GKAP1: variants seen among roughly 807,000 people sequenced by gnomAD.
GKAP1 encodes G kinase-anchoring protein 1.
In GKAP1, 31 loss-of-function variants were observed where a neutral mutation model predicts 56.7. That is an observed-to-expected ratio of 0.55 (90% confidence interval 0.41 to 0.74). The LOEUF (loss-of-function observed/expected upper bound fraction) is 0.74. Ranked by LOEUF, GKAP1 falls within the 30% of genes least tolerant of loss-of-function variation. The probability of loss-of-function intolerance (pLI) is 0.00; values close to 1 mark genes in which losing one functional copy is unlikely to be tolerated. For synonymous variants in GKAP1, 151 were observed against 138.6 expected, an observed-to-expected ratio of 1.09 and a Z score of -0.63; for missense variants, 364 against 402.3, an observed-to-expected ratio of 0.90 and a Z score of 0.82.
chr9:83,814,639 T>G (rs1326801579), intron 2 of GKAP1, among the ~76,000 whole-genome samples: 1 of 152,238 alleles, frequency 6.6e-6, no homozygotes, highest in Non-Finnish European at 1.5e-5. Flanking sequence ...TTTATTGAAC[T>G]TAGTGTTTTC....
intron 3 of GKAP1, among the ~76,000 whole-genome samples, chr9:83,804,085 G>A (rs556836869): frequency 3.1e-3 from 468 of 150,624 alleles, no homozygotes; most frequent in South Asian, 0.011. Context: ...AGTGAGGAGC[G>A]TCTCCGCCCG....
At chr9:83,767,815 T>C (rs560466474) in intron 8 of GKAP1, among the ~76,000 whole-genome samples, 1 of 152,300 alleles carries the variant, frequency 6.6e-6, no homozygotes, top group East Asian at 1.9e-4. Context: ...GCCTACCACG[T>C]AGCTGAGATT....
intron 7 of GKAP1, among the ~76,000 whole-genome samples, chr9:83,772,341 T>A (rs1943777073): frequency 6.6e-6 from 1 of 152,176 alleles, no homozygotes; most frequent in Non-Finnish European, 1.5e-5. Flanking sequence ...CAAGGTATTT[T>A]ATTAAGGATA....
intron 8 of GKAP1, among the ~76,000 whole-genome samples, chr9:83,759,703 G>A (rs1380243994): frequency 6.6e-6 from 1 of 152,120 alleles, no homozygotes; most frequent in Non-Finnish European, 1.5e-5. Flanking sequence ...AAAAGTGAAT[G>A]CCAAATTGTT....
chr9:83,772,943 G>A (rs550330596), intron 7 of GKAP1, among the ~76,000 whole-genome samples: 1 of 152,312 alleles, frequency 6.6e-6, no homozygotes, highest in African/African-American at 2.4e-5. Context: ...CGTTGGCAAG[G>A]ATGCGTAGGA....
chr9:83,801,114 G>T (rs1445087792), intron 3 of GKAP1, among the ~76,000 whole-genome samples: 1 of 152,116 alleles, frequency 6.6e-6, no homozygotes, highest in Non-Finnish European at 1.5e-5. Context: ...ATTAGGTTGG[G>T]CCCTAATCCA....
At chr9:83,773,121 G>A (rs1362529947) in intron 7 of GKAP1, among the ~76,000 whole-genome samples, 4 of 152,062 alleles carry the variant, frequency 2.6e-5, no homozygotes, top group African/African-American at 9.7e-5. Flanking sequence ...AAAGACATAC[G>A]TCAAATGTGC....
chr9:83,794,116 A>G (rs192015566), intron 4 of GKAP1, among the ~76,000 whole-genome samples: 59 of 152,308 alleles, frequency 3.9e-4, no homozygotes, highest in African/African-American at 1.3e-3. Flanking sequence ...GCAGTTAGCC[A>G]TGATCACACC....
At chr9:83,797,719 G>A (rs1372450255) in intron 4 of GKAP1, among the ~76,000 whole-genome samples, 2 of 152,122 alleles carry the variant, frequency 1.3e-5, no homozygotes, top group Non-Finnish European at 2.9e-5. Context: ...AGCAATCAGT[G>A]GGAGCAGAAG....
At position 83,742,555 on chromosome 9, in the gene GKAP1, C is replaced by T. The variant is rs762765097; in HGVS notation, c.950G>A (p.Ser317Asn). Residue 317 changes from serine to asparagine, a missense_variant, in exon 11 of 13, where the codon AGT becomes AAT. Coordinates refer to ENST00000376371, the MANE Select transcript of GKAP1 (RefSeq NM_025211.4). ...CTGAATAGTGAGCTCATTCTTGATA[C>T]TTTGTGATTCATCAACTTGCAGAAG... ...EILLQVDESQ[S>N]IKNELTIQVT... 5 of 1,612,532 alleles carry T rather than the reference C, an allele frequency of 3.1e-6. No homozygotes were observed. The highest frequency in any genetic ancestry group is 2.2e-5 in the East Asian group (1 of 44,802).
intron 8 of GKAP1, among the ~76,000 whole-genome samples, chr9:83,759,171 G>A (rs1240051294): frequency 6.6e-6 from 1 of 152,104 alleles, no homozygotes; most frequent in Non-Finnish European, 1.5e-5. Context: ...GGATATCCAT[G>A]ATTACAGATT....
Position 83,751,919 on chromosome 9 carries a change from C to T in GKAP1, c.840+1339G>A, listed in dbSNP as rs11140235. On this transcript the variant is annotated intron_variant, in intron 9 of 12. Transcript: ENST00000376371. ...GTGCCATGGAAGTTTGGCAGTTCCT[C>T]GAAAAGTTAAATGTGGAATTATATA... Among the ~76,000 whole-genome samples the T allele has an allele frequency of 8.0e-3, 1,214 of 151,966 alleles. 31 individuals carry two copies. Among genetic ancestry groups the T allele is most frequent in the East Asian group, 0.037 (191 of 5,168 alleles).
chr9:83,789,573 G>A (rs554460936), intron 4 of GKAP1, among the ~76,000 whole-genome samples: 11 of 152,166 alleles, frequency 7.2e-5, no homozygotes, highest in South Asian at 2.1e-4. Context: ...TCCCTTCCTC[G>A]ATTCCTTTAA....
At chr9:83,763,233 A>G (rs1332107963) in intron 8 of GKAP1, among the ~76,000 whole-genome samples, 1 of 152,184 alleles carries the variant, frequency 6.6e-6, no homozygotes, top group African/African-American at 2.4e-5. Context: ...CTAAAATTCA[A>G]AACAACTGAA....
intron 3 of GKAP1, among the ~76,000 whole-genome samples, chr9:83,803,507 G>A (rs6559744): frequency 0.31 from 47,393 of 152,122 alleles, 8,039 homozygotes; most frequent in African/African-American, 0.45. Context: ...CACCAGCCTC[G>A]GCCTCCCGAG....
At chr9:83,779,870 C>T (rs1419409460) in intron 7 of GKAP1, among the ~76,000 whole-genome samples, 2 of 151,548 alleles carry the variant, frequency 1.3e-5, no homozygotes, top group East Asian at 3.9e-4. Flanking sequence ...ATAACAGAAA[C>T]AAAAAACCCC....
rs1252304659 is a variant in GKAP1 at position 83,748,188 on chromosome 9, A to G, written c.904+121T>C. On this transcript the variant is annotated intron_variant, in intron 10 of 12. Coordinates refer to ENST00000376371, the MANE Select transcript of GKAP1 (RefSeq NM_025211.4). Reference sequence around the variant, plus strand: ...TGAAATATACAAATTATTGTTAACTATAGTCACCCTATTGTGCTATCAAAC... The same window carrying G: ...TGAAATATACAAATTATTGTTAACTGTAGTCACCCTATTGTGCTATCAAAC... 4 of 590,204 alleles carry G rather than the reference A, an allele frequency of 6.8e-6. No individual in the cohort carries two copies. The African/African-American group carries it at 7.6e-5, about 11-fold the overall frequency. 36.6% of individuals were successfully genotyped at this position (590,204 alleles called of 1,614,324 possible). A position where few individuals can be genotyped will look rare whatever the true frequency, so the allele number is the denominator to read the frequency against.
intron 2 of GKAP1, 134 bp from the exon 3 acceptor site, chr9:83,806,694 C>T: frequency 1.7e-6 from 1 of 575,770 alleles, no homozygotes. Flanking sequence ...TTAATACCCA[C>T]AGCACTATTA....
chr9:83,794,073 C>T (rs1471571388), intron 4 of GKAP1, among the ~76,000 whole-genome samples: 1 of 152,034 alleles, frequency 6.6e-6, no homozygotes, highest in Non-Finnish European at 1.5e-5. Flanking sequence ...GAGGCTGAGG[C>T]GGGAGAATCA....
Sources: gnomAD v4.1 joint callset for allele counts (sites outside exome capture counted in the v4.1 genomes callset) on GRCh38, gnomAD v4.1.1 for gene constraint, MANE v1.5 for transcripts, NCBI Gene and HGNC (gene_info 2026-07-23, HGNC 2026-07-21) for gene names.